Variants in AIG1 observed in about 807,000 individuals in gnomAD.
AIG1 encodes androgen-induced gene 1 protein.
In AIG1, 23 loss-of-function variants were observed where a neutral mutation model predicts 31.4. The observed-to-expected ratio is 0.73, with a 90% CI of 0.53 to 1.04. AIG1 has a LOEUF of 1.04. Among genes scored for constraint, AIG1 ranks in the 50% least tolerant of loss-of-function variants. The pLI is 0.00. For missense variants in AIG1, 274 were observed against 295.0 expected (o/e 0.93, Z 0.52); for synonymous variants, 100 against 110.5 (o/e 0.90, Z 0.60).
At chr6:143,200,638 CT>C (rs1004741840) in intron 3 of AIG1, among the ~76,000 whole-genome samples, 13 of 152,166 alleles carry the variant, frequency 8.5e-5, no homozygotes, top group Non-Finnish European at 1.2e-4. Flanking sequence ...TCCATGAACA[CT>C]TTTTACTCCT....
intron 3 of AIG1, among the ~76,000 whole-genome samples, chr6:143,266,360 A>T (rs374374633): frequency 1.4e-4 from 19 of 133,158 alleles, no homozygotes; most frequent in South Asian, 2.8e-4. Context: ...AAAAAAAAAA[A>T]AAAAAGAATA....
Position 143,293,364 on chromosome 6 carries a change from G to A in AIG1, c.515+9139G>A, listed in dbSNP as rs369354486. Reference sequence around the variant, plus strand: ...ATGGTTCATATATTAAGTTATTTCCGGAGCTCTGCTTTTCCCATGAGATTC... The same window carrying A: ...ATGGTTCATATATTAAGTTATTTCCAGAGCTCTGCTTTTCCCATGAGATTC... On this transcript the variant is annotated intron_variant, in intron 4 of 5. Transcript: ENST00000357847. The surrounding 1 kb of genome is among the most constrained non-coding windows in gnomAD (Gnocchi z 4.8). Among the ~76,000 whole-genome samples, 11 of 152,130 alleles carry A rather than the reference G, an allele frequency of 7.2e-5. No individual in the cohort carries two copies. The highest frequency in any genetic ancestry group is 2.1e-4 in the South Asian group (1 of 4,830).
At chr6:143,321,050 C>G (rs1292740981) in intron 4 of AIG1, among the ~76,000 whole-genome samples, 2 of 151,740 alleles carry the variant, frequency 1.3e-5, no homozygotes, top group African/African-American at 4.8e-5. Context: ...GAACTCCCCA[C>G]CTCAGGTGAT....
rs1776547142 is a variant in AIG1 at position 143,325,634 on chromosome 6, CCTAAAT to C, written c.516-7643_516-7638del. 6.6e-6 allele frequency among the ~76,000 whole-genome samples: 1 copy of C among 152,200 alleles called. No individual in the cohort carries two copies. On this transcript the variant is annotated intron_variant, in intron 4 of 5. Coordinates refer to ENST00000357847, the MANE Select transcript of AIG1 (RefSeq NM_016108.4). The surrounding 1 kb of genome is among the most constrained non-coding windows in gnomAD (Gnocchi z 4.3). Reference sequence around the variant, plus strand: ...TTAACTCATCTCAGTTTCCTCATTGCCTAAATCTAATCAATCACCATGTTGTCTTAA... The same window carrying C: ...TTAACTCATCTCAGTTTCCTCATTGCCTAATCAATCACCATGTTGTCTTAA...
chr6:143,172,174 A>G (rs1787702873), intron 3 of AIG1, among the ~76,000 whole-genome samples: 1 of 152,118 alleles, frequency 6.6e-6, no homozygotes, highest in African/African-American at 2.4e-5. Context: ...GCTGTGCAGA[A>G]GCTTTTTAGT....
Position 143,318,227 on chromosome 6 carries a change from A to T in AIG1, c.516-15055A>T, listed in dbSNP as rs529285262. On this transcript the variant is annotated intron_variant, in intron 4 of 5. Coordinates refer to ENST00000357847, the MANE Select transcript of AIG1 (RefSeq NM_016108.4). ...TGGAGGCATCACATTACCAGACTTC[A>T]AACTATACTGTAAGGCCATAGTCAC... 8.5e-5 allele frequency among the ~76,000 whole-genome samples: 13 copies of T among 152,292 alleles called. No homozygotes were observed. In the South Asian group the frequency reaches 2.5e-3, roughly 29 times the overall value.
chr6:143,082,968 A>G (rs1778407053), intron 1 of AIG1, among the ~76,000 whole-genome samples: 1 of 152,222 alleles, frequency 6.6e-6, no homozygotes, highest in Admixed American at 6.5e-5. Context: ...AGTGTGTATA[A>G]TGGCCTGGCT....
intron 1 of AIG1, among the ~76,000 whole-genome samples, chr6:143,104,631 G>C (rs992827955): frequency 2.0e-5 from 3 of 152,042 alleles, no homozygotes; most frequent in African/African-American, 7.3e-5. Context: ...TGAGTGTAGG[G>C]CTTATGGCTA....
chr6:143,287,315 A>C (rs1252253810), intron 4 of AIG1, among the ~76,000 whole-genome samples: 3 of 152,070 alleles, frequency 2.0e-5, no homozygotes, highest in Non-Finnish European at 4.4e-5. Context: ...TTCAAATATT[A>C]TCTTATTTAG....
intron 3 of AIG1, among the ~76,000 whole-genome samples, chr6:143,216,942 A>G (rs1792077353): frequency 6.6e-6 from 1 of 152,222 alleles, no homozygotes; most frequent in Admixed American, 6.5e-5. Context: ...CATGGCTGTA[A>G]TATTAAGGCT....
chr6:143,245,692 C>T (rs1365081212), intron 3 of AIG1, among the ~76,000 whole-genome samples: 1 of 152,118 alleles, frequency 6.6e-6, no homozygotes, highest in Non-Finnish European at 1.5e-5. Flanking sequence ...GTGTTTCTAT[C>T]CTGTAAGGAA....
chr6:143,209,515 T>TA (rs1193769328), intron 3 of AIG1, among the ~76,000 whole-genome samples: 22 of 151,854 alleles, frequency 1.4e-4, no homozygotes, highest in Admixed American at 1.4e-3. Flanking sequence ...TAATATGATG[T>TA]AAAAAAAACT....
intron 3 of AIG1, among the ~76,000 whole-genome samples, chr6:143,179,832 A>G (rs1482285495): frequency 6.6e-6 from 1 of 152,272 alleles, no homozygotes; most frequent in Non-Finnish European, 1.5e-5. Context: ...AAATATAAGC[A>G]TATACAATAT....
chr6:143,072,373 A>AT (rs1181433723), intron 1 of AIG1, among the ~76,000 whole-genome samples: 2 of 152,060 alleles, frequency 1.3e-5, no homozygotes, highest in Admixed American at 1.3e-4. Context: ...TCACCTGTTA[A>AT]TAGAGACATT....
At chr6:143,137,310 A>G (rs1278155709) in intron 2 of AIG1, among the ~76,000 whole-genome samples, 1 of 152,122 alleles carries the variant, frequency 6.6e-6, no homozygotes, top group East Asian at 1.9e-4. Context: ...TCCTATTTTT[A>G]TAAGGTATAG....
intron 3 of AIG1, among the ~76,000 whole-genome samples, chr6:143,248,630 G>A (rs1794777883): frequency 6.6e-6 from 1 of 152,210 alleles, no homozygotes; most frequent in Non-Finnish European, 1.5e-5. Context: ...CTTTGCTGAT[G>A]TAAAAGGCCA....
At chr6:143,116,498 G>C (rs1781750564) in intron 1 of AIG1, among the ~76,000 whole-genome samples, 1 of 151,956 alleles carries the variant, frequency 6.6e-6, no homozygotes, top group African/African-American at 2.4e-5. Context: ...TTCAGTGGGG[G>C]TGACGAAGGA....
chr6:143,342,628 G>C (rs1246688259), downstream of AIG1: 2 of 1,111,154 alleles, frequency 1.8e-6, no homozygotes, highest in Non-Finnish European at 2.8e-6. Flanking sequence ...GAAATCCAGG[G>C]GTCCAGAGTT....
intron 3 of AIG1, chr6:143,190,286 G>T: frequency 1.0e-6 from 1 of 985,444 alleles, no homozygotes; most frequent in Non-Finnish European, 1.2e-6. Context: ...TGTAGGAGTC[G>T]AGAAACAGAA....
Sources: gnomAD v4.1 joint callset for allele counts (sites outside exome capture counted in the v4.1 genomes callset) on GRCh38, gnomAD v4.1.1 for gene constraint, Gnocchi (gnomAD v3.1) non-coding constraint, MANE v1.5 for transcripts, NCBI Gene and HGNC (gene_info 2026-07-23, HGNC 2026-07-21) for gene names.